CTNNA3: variants seen among roughly 807,000 people sequenced by gnomAD.
CTNNA3 encodes the protein catenin alpha-3.
In CTNNA3, 76 loss-of-function variants were observed where a neutral mutation model predicts 95.7. The observed-to-expected ratio is 0.79, with a 90% CI of 0.66 to 0.96. The LOEUF is 0.96. Ranked by LOEUF, CTNNA3 falls within the 40% of genes least tolerant of loss-of-function variation. The pLI is 0.00. For missense variants in CTNNA3, 1,191 were observed against 1,089.8 expected, an observed-to-expected ratio of 1.09 and a Z score of -1.31; for synonymous variants, 431 against 374.4, an observed-to-expected ratio of 1.15 and a Z score of -1.74.
intron 4 of CTNNA3, among the ~76,000 whole-genome samples, chr10:67,529,717 T>C (rs1308109585): frequency 6.6e-6 from 1 of 152,128 alleles, no homozygotes; most frequent in East Asian, 1.9e-4. Flanking sequence ...AAATTTCTTC[T>C]TCCCTAAAAT....
At chr10:66,443,258 A>C (rs1241024717) in intron 11 of CTNNA3, among the ~76,000 whole-genome samples, 2 of 151,958 alleles carry the variant, frequency 1.3e-5, no homozygotes, top group African/African-American at 2.4e-5. Context: ...AAAAGACAGC[A>C]GTAACCTCTG....
chr10:66,104,282 T>C (rs891283922), intron 13 of CTNNA3, among the ~76,000 whole-genome samples: 14 of 152,134 alleles, frequency 9.2e-5, no homozygotes, highest in Non-Finnish European at 4.4e-5. Flanking sequence ...ATAATGATCA[T>C]TATACTTTAA....
chr10:66,555,544 A>C (rs923147017), intron 10 of CTNNA3, among the ~76,000 whole-genome samples: 3 of 152,140 alleles, frequency 2.0e-5, no homozygotes, highest in Non-Finnish European at 2.9e-5. Flanking sequence ...AAAGTGACCA[A>C]AATGACTGGA....
chr10:67,089,877 T>C (rs1268575539), intron 7 of CTNNA3, among the ~76,000 whole-genome samples: 1 of 151,994 alleles, frequency 6.6e-6, no homozygotes, highest in Admixed American at 6.6e-5. Context: ...AGAAATTGTG[T>C]CTTCATCATG....
intron 12 of CTNNA3, among the ~76,000 whole-genome samples, chr10:66,317,057 A>G (rs1182751816): frequency 1.3e-5 from 2 of 152,164 alleles, no homozygotes; most frequent in African/African-American, 4.8e-5. Flanking sequence ...ATTACATTCA[A>G]AATATAATTT....
chr10:67,559,266 C>T (rs190419732), intron 3 of CTNNA3, among the ~76,000 whole-genome samples: 1,913 of 152,342 alleles, frequency 0.013, 23 homozygotes, highest in Non-Finnish European at 0.019. Flanking sequence ...ACACCTCACA[C>T]GGCTGGGTAC....
intron 7 of CTNNA3, among the ~76,000 whole-genome samples, chr10:66,996,649 C>CGA (rs71468809): frequency 3.0e-5 from 2 of 67,638 alleles, no homozygotes; most frequent in African/African-American, 5.9e-5. Flanking sequence ...TCCGTCTCTA[C>CGA]AAAAAAAAAA....
intron 9 of CTNNA3, among the ~76,000 whole-genome samples, chr10:66,630,153 A>G (rs10997272): frequency 0.29 from 43,800 of 151,980 alleles, 6,682 homozygotes; most frequent in Middle Eastern, 0.47. Context: ...TTCTTTGGGG[A>G]GTGAATGAAT....
chr10:66,696,904 G>A (rs1401828628), intron 9 of CTNNA3, among the ~76,000 whole-genome samples: 1 of 152,050 alleles, frequency 6.6e-6, no homozygotes, highest in African/African-American at 2.4e-5. Flanking sequence ...ATGCCACAGA[G>A]TGAGATACTG....
intron 7 of CTNNA3, chr10:66,837,534 GT>G: frequency 6.6e-6 from 1 of 152,070 alleles, no homozygotes. Context: ...AGTCTCTCTT[GT>G]TGTTGGACCA....
chr10:67,022,396 A>G (rs564660981), intron 7 of CTNNA3, among the ~76,000 whole-genome samples: 1 of 152,200 alleles, frequency 6.6e-6, no homozygotes, highest in Non-Finnish European at 1.5e-5. Flanking sequence ...CATATTATAG[A>G]GAAGTAGAAA....
chr10:66,955,777 A>T (rs1379932112), intron 7 of CTNNA3, among the ~76,000 whole-genome samples: 3 of 152,114 alleles, frequency 2.0e-5, no homozygotes, highest in Non-Finnish European at 4.4e-5. Context: ...TTCTTCATTG[A>T]TGGTATAAAC....
chr10:66,567,085 G>GGAGGGGAA (rs1459791438), intron 10 of CTNNA3, among the ~76,000 whole-genome samples: 1 of 868 alleles, frequency 1.2e-3, no homozygotes, highest in Non-Finnish European at 3.1e-3. Context: ...GGAGGGAGGA[G>GGAGGGGAA]TGGGGAGGGG....
chr10:67,464,257 A>G (rs1847490805), intron 5 of CTNNA3, among the ~76,000 whole-genome samples: 1 of 152,022 alleles, frequency 6.6e-6, no homozygotes, highest in African/African-American at 2.4e-5. Context: ...TGTTTTCCCC[A>G]CTATAGCAGT....
intron 5 of CTNNA3, among the ~76,000 whole-genome samples, chr10:67,500,418 T>C (rs1422658172): frequency 6.6e-6 from 1 of 152,204 alleles, no homozygotes; most frequent in Admixed American, 6.5e-5. Flanking sequence ...TGATTTCGGG[T>C]GGAGAGTTCT....
In CTNNA3 at chr10:66,360,812, CCTTCCTTTCTTTCTTT is replaced by C. The variant is rs1292362425; in HGVS notation, c.1732+18324_1732+18339del. On this transcript the variant is annotated intron_variant, in intron 12 of 17. Transcript: ENST00000433211. ...TCCTTCCTTCCTTCCTTCCTTCCTTCCTTCCTTTCTTTCTTTCTTTCTTTCTTTCTTTCTTTCTTTC... is the reference window on the plus strand; with the variant it reads ...TCCTTCCTTCCTTCCTTCCTTCCTTCCTTTCTTTCTTTCTTTCTTTCTTTC... Among the ~76,000 whole-genome samples, 107 of 52,336 alleles carry C rather than the reference CCTTCCTTTCTTTCTTT, an allele frequency of 2.0e-3. 2 individuals carry two copies. Among genetic ancestry groups the C allele is most frequent in the African/African-American group, 6.6e-3 (75 of 11,302 alleles). 34.3% of individuals were successfully genotyped at this position (52,336 alleles called of 152,430 possible). A position where few individuals can be genotyped will look rare whatever the true frequency, so the allele number is the denominator to read the frequency against.
At chr10:67,509,371 G>A (rs1839533304) in intron 5 of CTNNA3, among the ~76,000 whole-genome samples, 2 of 151,976 alleles carry the variant, frequency 1.3e-5, no homozygotes, top group African/African-American at 2.4e-5. Context: ...GCCTCGGTGT[G>A]TGATGTTCCC....
At chr10:67,127,359 T>A (rs180718835) in intron 7 of CTNNA3, among the ~76,000 whole-genome samples, 65 of 152,332 alleles carry the variant, frequency 4.3e-4, no homozygotes, top group Non-Finnish European at 8.1e-4. Context: ...AGTTCCAAAG[T>A]TTGTGCTTCA....
At chr10:67,675,811 G>T (rs940878025) in intron 1 of CTNNA3, among the ~76,000 whole-genome samples, 6 of 151,942 alleles carry the variant, frequency 3.9e-5, no homozygotes, top group African/African-American at 1.5e-4. Context: ...CCTGTCAACT[G>T]GTAGTTTTTG....
Sources: gnomAD v4.1 joint callset for allele counts (sites outside exome capture counted in the v4.1 genomes callset) on GRCh38, gnomAD v4.1.1 for gene constraint, MANE v1.5 for transcripts, NCBI Gene and HGNC (gene_info 2026-07-23, HGNC 2026-07-21) for gene names.